Variants in MAP3K2 observed in about 807,000 individuals in gnomAD.
MAP3K2 encodes mitogen-activated protein kinase kinase kinase 2, also known as MAP/ERK kinase kinase 2.
In MAP3K2, 24 loss-of-function variants were observed where a neutral mutation model predicts 80.3. That is an observed-to-expected ratio of 0.30 (90% CI 0.22 to 0.42). The LOEUF (loss-of-function observed/expected upper bound fraction) is 0.42. Among genes scored for constraint, MAP3K2 ranks in the 10% least tolerant of loss-of-function variants. MAP3K2 has a pLI of 1.00. For synonymous variants in MAP3K2, 244 were observed against 253.7 expected, an observed-to-expected ratio of 0.96 and a Z score of 0.36; for missense variants, 608 against 750.1, an observed-to-expected ratio of 0.81 and a Z score of 2.21.
rs568286907 is a variant in MAP3K2 at position 127,322,204 on chromosome 2, C to T, written c.887G>A (p.Arg296Gln). The change falls in exon 12 of 17, where the codon CGG becomes CAG. Residue 296 changes from arginine (R) to glutamine (Q), a missense_variant. Arg to Gln is a conservative substitution (Grantham distance 43). Transcript: ENST00000682094. This position sits in a 1 kb window ranked among gnomAD's most constrained non-coding sequence, Gnocchi z 4.2. ...RARRTQGTSL[R>Q]SPVSFSPTDH... ...AGTAGGACTGAAACTCACAGGAGAC[C>T]GTAAGCTGGTCCCCTGGGTCCTTCT... The T allele has an allele frequency of 3.7e-6, 6 of 1,613,892 alleles. No individual in the cohort carries two copies. Among genetic ancestry groups the T allele is most frequent in the Middle Eastern group, 1.6e-4 (1 of 6,062 alleles).
chr2:127,303,601 G>A lies in MAP3K2; in HGVS notation c.*3978C>T, dbSNP rs548536212. 37 of 152,066 alleles carry A rather than the reference G, an allele frequency of 2.4e-4. No individual in the cohort carries two copies. Among genetic ancestry groups the A allele is most frequent in the African/African-American group, 8.4e-4 (35 of 41,484 alleles). 9.4% of individuals were successfully genotyped at this position (152,066 alleles called of 1,614,324 possible). A position where few individuals can be genotyped will look rare whatever the true frequency, so the allele number is the denominator to read the frequency against. Reference sequence around the variant, plus strand: ...AAAACATCATTGCTGAACTTTCAGAGTTAGCGTATGCCATAAAATAAGTAA... The same window carrying A: ...AAAACATCATTGCTGAACTTTCAGAATTAGCGTATGCCATAAAATAAGTAA... On this transcript the variant is annotated 3_prime_UTR_variant, in exon 17 of 17. Transcript: ENST00000682094.
At chr2:127,367,855 GA>G (rs1230492551) in intron 1 of MAP3K2, among the ~76,000 whole-genome samples, 1 of 152,116 alleles carries the variant, frequency 6.6e-6, no homozygotes, top group Non-Finnish European at 1.5e-5. Flanking sequence ...ACAGTAATTA[GA>G]AACTCTCAAA....
At chr2:127,387,416 A>ACC in intron 1 of MAP3K2, 36 bp downstream of exon 1, 1 of 951,110 alleles carries the variant, frequency 1.1e-6, no homozygotes, top group Non-Finnish European at 1.3e-6. Flanking sequence ...ACACACACAC[A>ACC]CACACAAGCG....
chr2:127,351,846 A>C lies in MAP3K2; in HGVS notation c.-65-8652T>G, dbSNP rs1421666747. ...TCCTTGCCATGGCTTACTTCATATA[A>C]TCTAGACTTCCCTACTTCTTGTTTT... On this transcript the variant is annotated intron_variant, in intron 1 of 16. Transcript: ENST00000682094. 2.0e-5 allele frequency among the ~76,000 whole-genome samples: 3 copies of C among 151,606 alleles called. No homozygotes were observed. In the East Asian group the frequency reaches 5.8e-4, roughly 29 times the overall value.
rs1381088408 is a variant in MAP3K2, at chr2:127,301,030, T to A, written c.*6549A>T. ...AAAGAAGTGAACTTAAAAGTGCTTT[T>A]CGGTATGGTCATGAACTTTACTGTT... is the stretch of plus-strand genomic sequence containing the variant. On this transcript the variant is annotated 3_prime_UTR_variant, in exon 17 of 17. Coordinates refer to ENST00000682094, the MANE Select transcript of MAP3K2 (RefSeq NM_001371910.2). The A allele has an allele frequency of 2.6e-5, 4 of 152,228 alleles. No individual in the cohort carries two copies. The highest frequency in any genetic ancestry group is 4.8e-5 in the African/African-American group (2 of 41,468). The allele number at this position is 152,228 out of a possible 1,614,324, so 9.4% of individuals were successfully genotyped here.
intron 14 of MAP3K2, among the ~76,000 whole-genome samples, chr2:127,316,224 A>G (rs1685900187): frequency 1.3e-5 from 2 of 152,066 alleles, no homozygotes; most frequent in Admixed American, 1.3e-4. Flanking sequence ...AAATACAAGA[A>G]TTAGCTGGGT....
chr2:127,311,469 G>A (rs570825193), intron 15 of MAP3K2, among the ~76,000 whole-genome samples: 16 of 152,246 alleles, frequency 1.1e-4, no homozygotes, highest in African/African-American at 2.9e-4. Context: ...AGGAGAAAAC[G>A]GGTAGCCAGG....
intron 1 of MAP3K2, among the ~76,000 whole-genome samples, chr2:127,370,113 G>A (rs1039789667): frequency 1.4e-5 from 2 of 142,858 alleles, no homozygotes; most frequent in Non-Finnish European, 3.1e-5. Flanking sequence ...AGACTAGCGG[G>A]GGGTGGGGGT....
intron 1 of MAP3K2, among the ~76,000 whole-genome samples, chr2:127,373,599 A>C (rs1037252618): frequency 2.0e-5 from 3 of 152,234 alleles, no homozygotes; most frequent in South Asian, 2.1e-4. Context: ...AGAGCAATTT[A>C]TCTCTCAAAG....
intron 1 of MAP3K2, among the ~76,000 whole-genome samples, chr2:127,349,311 T>C (rs750154626): frequency 6.6e-6 from 1 of 152,056 alleles, no homozygotes; most frequent in Non-Finnish European, 1.5e-5. Context: ...CAGGTACGCA[T>C]CATGCCTGGC....
rs191720020 is a variant in MAP3K2 at position 127,326,801 on chromosome 2, A to C, written c.483T>G (p.Asp161Glu). 6.3e-7 allele frequency: 1 copy of C among 1,593,808 alleles called. No individual in the cohort carries two copies. Among genetic ancestry groups the C allele is most frequent in the Admixed American group, 1.8e-5 (1 of 56,720 alleles). The change falls in exon 8 of 17, where the codon GAT becomes GAG. Residue 161 changes from aspartate (D) to glutamate (E), a missense_variant. Around this residue, in one of 4 missense-constraint regions of MAP3K2, gnomAD observed 467 missense variants for 521.9 expected, o/e 0.89. Coordinates refer to ENST00000682094, the MANE Select transcript of MAP3K2 (RefSeq NM_001371910.2). The stretch of plus-strand genomic sequence containing the variant: ...TGTAACCTGGGGGAGGAGAACTTCT[A>C]TCTCTACTAGTAGGACCTCAAGGAA... ...RLSIIGPTSR[D>E]RSSPPPGYIP...
At chr2:127,347,446 A>C (rs1342057708) in intron 1 of MAP3K2, among the ~76,000 whole-genome samples, 1 of 152,172 alleles carries the variant, frequency 6.6e-6, no homozygotes, top group African/African-American at 2.4e-5. Flanking sequence ...ATTAGCAATA[A>C]ACATTCTGGA....
intron 7 of MAP3K2, among the ~76,000 whole-genome samples, chr2:127,328,753 G>A (rs1686194078): frequency 6.6e-6 from 1 of 152,130 alleles, no homozygotes; most frequent in Admixed American, 6.5e-5. Context: ...AAGAGAACAT[G>A]AATAATGTCT....
At chr2:127,372,056 T>C (rs1687074430) in intron 1 of MAP3K2, among the ~76,000 whole-genome samples, 1 of 151,984 alleles carries the variant, frequency 6.6e-6, no homozygotes, top group Admixed American at 6.6e-5. Context: ...GATGAATTAG[T>C]GCTAAAAGAA....
chr2:127,333,277 A>AACACACACACAC (rs35382458), intron 5 of MAP3K2, among the ~76,000 whole-genome samples: 1 of 144,782 alleles, frequency 6.9e-6, no homozygotes, highest in African/African-American at 2.5e-5. Context: ...CAACCCTCAT[A>AACACACACACAC]ACACACACAC....
intron 3 of MAP3K2, 52 bp from the exon 4 acceptor site, chr2:127,337,830 G>A: frequency 3.8e-6 from 4 of 1,052,646 alleles, no homozygotes; most frequent in Non-Finnish European, 5.4e-6. Flanking sequence ...ATCATTCAGA[G>A]ATTAGATAAA....
At chr2:127,312,120 A>G (rs972747684) in intron 15 of MAP3K2, among the ~76,000 whole-genome samples, 1 of 152,256 alleles carries the variant, frequency 6.6e-6, no homozygotes, top group Non-Finnish European at 1.5e-5. Context: ...GACAGTCTCT[A>G]TTTAAGTGAT....
At chr2:127,320,418 C>G (rs563763465) in intron 12 of MAP3K2, among the ~76,000 whole-genome samples, 3 of 151,132 alleles carry the variant, frequency 2.0e-5, no homozygotes, top group African/African-American at 4.9e-5. Context: ...GAAAATAGAT[C>G]AATGGTGGGG....
rs1300355057 is a variant in MAP3K2 at position 127,323,529 on chromosome 2, A to AT, written c.838+372dup. On this transcript the variant is annotated intron_variant, in intron 11 of 16. Coordinates refer to ENST00000682094, the MANE Select transcript of MAP3K2 (RefSeq NM_001371910.2). ...GTGGGACACTGTCTCTACAAAAAAA[A>AT]TTTTTTAATTAGCTGGGTGTGATGG... 4.6e-5 allele frequency among the ~76,000 whole-genome samples: 7 copies of AT among 152,084 alleles called. No individual in the cohort carries two copies. The South Asian group carries it at 1.0e-3, about 23-fold the overall frequency.
Sources: gnomAD v4.1 joint callset for allele counts (sites outside exome capture counted in the v4.1 genomes callset) on GRCh38, gnomAD v4.1.1 for gene constraint, gnomAD v4.1.1 regional missense constraint, Gnocchi (gnomAD v3.1) non-coding constraint, MANE v1.5 for transcripts, NCBI Gene and HGNC (gene_info 2026-07-23, HGNC 2026-07-21) for gene names.